Variants in PPARD observed in about 807,000 individuals in gnomAD.
PPARD encodes the protein peroxisome proliferator-activated receptor delta.
Under a neutral mutation model 39.5 loss-of-function variants are expected in PPARD, and 6 were observed. The observed-to-expected ratio is 0.15, with a 90% CI of 0.08 to 0.30. The LOEUF (loss-of-function observed/expected upper bound fraction) is 0.30. PPARD is among the 10% of genes least tolerant of loss of function. The probability of loss-of-function intolerance (pLI) is 1.00; values close to 1 mark genes in which losing one functional copy is unlikely to be tolerated. For missense variants in PPARD, 397 were observed against 596.8 expected (o/e 0.67, Z 3.49); for synonymous variants, 210 against 231.3 (o/e 0.91, Z 0.83).
At chr6:35,384,947 ATCCGGGAGGGAGGTGGGGGGGTCAG>A (rs1763507178) in intron 2 of PPARD, among the ~76,000 whole-genome samples, 1 of 116,460 alleles carries the variant, frequency 8.6e-6, no homozygotes, top group African/African-American at 3.8e-5. Context: ...CAGCCGCCCC[ATCCGGGAGGGAGGTGGGGGGGTCAG>A]CCCCCCGCCG....
chr6:35,350,371 A>G (rs1218529237), intron 2 of PPARD, among the ~76,000 whole-genome samples: 1 of 152,114 alleles, frequency 6.6e-6, no homozygotes, highest in Non-Finnish European at 1.5e-5. Flanking sequence ...TTCTTGTAGT[A>G]CTTTCATGGT....
chr6:35,364,034 C>T lies in PPARD; in HGVS notation c.-102+16884C>T, dbSNP rs116430731. On this transcript the variant is annotated intron_variant, in intron 2 of 7. Transcript: ENST00000360694. ...ATTAACCACTAATTCCAGGACACTT[C>T]TATCACCTAAAAAACCCTTTACCTG... Among the ~76,000 whole-genome samples the T allele has an allele frequency of 8.8e-3, 1,336 of 152,064 alleles. 25 individuals are homozygous for T. Among genetic ancestry groups the T allele is most frequent in the African/African-American group, 0.031 (1,277 of 41,488 alleles).
At chr6:35,375,141 G>A (rs989101812) in intron 2 of PPARD, among the ~76,000 whole-genome samples, 13 of 149,306 alleles carry the variant, frequency 8.7e-5, no homozygotes, top group African/African-American at 2.0e-4. Flanking sequence ...TTAACTTAAC[G>A]TATTACTGTA....
chr6:35,396,533 TAA>T (rs34707184), intron 2 of PPARD, among the ~76,000 whole-genome samples: 5 of 109,982 alleles, frequency 4.5e-5, no homozygotes, highest in Non-Finnish European at 7.5e-5. Context: ...TTGTTTTTAT[TAA>T]AAAAAAAAAA....
At chr6:35,353,064 G>A (rs1761358074) in intron 2 of PPARD, among the ~76,000 whole-genome samples, 1 of 152,124 alleles carries the variant, frequency 6.6e-6, no homozygotes, top group Non-Finnish European at 1.5e-5. Context: ...ATGTGGTCTT[G>A]ATACTTCCAA....
At chr6:35,421,524 G>C (rs546175775) in intron 4 of PPARD, among the ~76,000 whole-genome samples, 1 of 150,094 alleles carries the variant, frequency 6.7e-6, no homozygotes, top group East Asian at 2.0e-4. Flanking sequence ...ATTTTTAGTA[G>C]AGACGGGGTT....
chr6:35,404,953 T>TTGTGTGTTTG (rs1764934479), intron 2 of PPARD, among the ~76,000 whole-genome samples: 1 of 142,132 alleles, frequency 7.0e-6, no homozygotes, highest in African/African-American at 2.7e-5. Context: ...ACTGCAGGCT[T>TTGTGTGTTTG]TGTGTGTGTG....
chr6:35,406,347 T>C (rs1037216743), intron 2 of PPARD, among the ~76,000 whole-genome samples: 1 of 152,064 alleles, frequency 6.6e-6, no homozygotes. Context: ...CTAGGTCCAG[T>C]GGGTCAGGGG....
At chr6:35,362,667 A>C (rs1420424096) in intron 2 of PPARD, among the ~76,000 whole-genome samples, 1 of 152,082 alleles carries the variant, frequency 6.6e-6, no homozygotes, top group Admixed American at 6.5e-5. Context: ...CAGTGAGAAG[A>C]AGCTGCGTGG....
At position 35,424,160 on chromosome 6, in the gene PPARD, T is replaced by C; in HGVS notation, c.627+12T>C. ...CCAGCCACACGGCGGTGAGTGTTGC[T>C]GCTGCTTGGCCTGGCAGCATCCTGG... On this transcript the variant is annotated intron_variant, in intron 6 of 7. Transcript: ENST00000360694. This position sits in a 1 kb window ranked among gnomAD's most constrained non-coding sequence, Gnocchi z 7.1. 6.2e-7 allele frequency: 1 copy of C among 1,611,672 alleles called. No individual in the cohort carries two copies. The highest frequency in any genetic ancestry group is 8.5e-7 in the Non-Finnish European group (1 of 1,179,906).
intron 3 of PPARD, among the ~76,000 whole-genome samples, chr6:35,419,694 C>T (rs1393718908): frequency 6.6e-6 from 1 of 152,198 alleles, no homozygotes; most frequent in East Asian, 1.9e-4. Flanking sequence ...ACACGTTGCA[C>T]ACATCTCCAT....
At chr6:35,384,450 C>G (rs1763434668) in intron 2 of PPARD, among the ~76,000 whole-genome samples, 1 of 109,596 alleles carries the variant, frequency 9.1e-6, no homozygotes, top group Non-Finnish European at 1.8e-5. Context: ...GGGTCAGCCC[C>G]CCGCCCGGCC....
chr6:35,424,770 C>T lies in PPARD; in HGVS notation c.1069C>T (p.Leu357=). The T allele has an allele frequency of 1.2e-6, 2 of 1,613,948 alleles. No homozygotes were observed. Among genetic ancestry groups the T allele is most frequent in the Non-Finnish European group, 1.7e-6 (2 of 1,179,904 alleles). ...GGCCCTATTCATTGCGGCCATCATT[C>T]TGTGTGGAGGTGAGTGAGAGTGGGG... ...DLALFIAAII[L]CGDRPGLMNV... Residue 357 remains leucine (L), a synonymous_variant, in exon 7 of 8, where the codon CTG becomes TTG. Coordinates refer to ENST00000360694, the MANE Select transcript of PPARD (RefSeq NM_006238.5). This position sits in a 1 kb window ranked among gnomAD's most constrained non-coding sequence, Gnocchi z 7.1.
chr6:35,409,608 G>A (rs757578762), intron 2 of PPARD, among the ~76,000 whole-genome samples: 1 of 151,912 alleles, frequency 6.6e-6, no homozygotes, highest in Non-Finnish European at 1.5e-5. Context: ...TTTGTTATGT[G>A]GGTGAACTTG....
At chr6:35,348,629 T>C in intron 2 of PPARD, 1 of 985,434 alleles carries the variant, frequency 1.0e-6, no homozygotes, top group Non-Finnish European at 1.2e-6. Flanking sequence ...CTTCTCTGCC[T>C]TTAACACCCT....
chr6:35,375,269 G>A (rs1163528457), intron 2 of PPARD, among the ~76,000 whole-genome samples: 1 of 128,596 alleles, frequency 7.8e-6, no homozygotes, highest in African/African-American at 3.1e-5. Context: ...CCAGGCTGGA[G>A]TGCAGTGGTG....
At chr6:35,393,266 C>A (rs1764121644) in intron 2 of PPARD, among the ~76,000 whole-genome samples, 3 of 152,082 alleles carry the variant, frequency 2.0e-5, no homozygotes, top group Admixed American at 2.0e-4. Flanking sequence ...GAGGGAGAGC[C>A]CCGAAAGGAA....
intron 2 of PPARD, among the ~76,000 whole-genome samples, chr6:35,409,758 G>A (rs1220551009): frequency 1.3e-5 from 2 of 152,150 alleles, no homozygotes; most frequent in South Asian, 2.1e-4. Context: ...GTCCAAGCAA[G>A]GGAAGGCCTG....
chr6:35,356,861 G>T (rs1761644484), intron 2 of PPARD, among the ~76,000 whole-genome samples: 1 of 152,202 alleles, frequency 6.6e-6, no homozygotes, highest in Non-Finnish European at 1.5e-5. Context: ...GAAGCATATT[G>T]TTCTTACATT....
Sources: allele counts gnomAD v4.1 joint callset (sites outside exome capture counted in the v4.1 genomes callset), GRCh38; gene constraint gnomAD v4.1.1; non-coding constraint Gnocchi (gnomAD v3.1); transcripts MANE v1.5; gene names NCBI Gene and HGNC (gene_info 2026-07-23, HGNC 2026-07-21).